Variants in GPM6A observed in about 807,000 individuals in gnomAD.
GPM6A encodes glycoprotein M6A, also known as neuronal membrane glycoprotein M6-a.
GPM6A carries 7 observed loss-of-function variants against 32.1 expected under a neutral mutation model. That is an observed-to-expected ratio of 0.22 (90% CI 0.12 to 0.41). The LOEUF (loss-of-function observed/expected upper bound fraction) is 0.41. Ranked by LOEUF, GPM6A falls within the 10% of genes least tolerant of loss-of-function variation. The pLI is 1.00. For missense variants in GPM6A, 235 were observed against 347.2 expected (o/e 0.68, Z 2.57); for synonymous variants, 130 against 123.4 (o/e 1.05, Z -0.35).
intron 1 of GPM6A, among the ~76,000 whole-genome samples, chr4:175,862,773 G>A (rs749679492): frequency 1.3e-5 from 2 of 150,520 alleles, no homozygotes; most frequent in South Asian, 2.1e-4. Context: ...ATTTTCATTC[G>A]AGCAATTCTG....
At chr4:175,657,276 AATAG>A (rs1402313895) in intron 3 of GPM6A, among the ~76,000 whole-genome samples, 5 of 152,216 alleles carry the variant, frequency 3.3e-5, no homozygotes, top group African/African-American at 1.2e-4. Context: ...ACAAAGCTTC[AATAG>A]ATAGACAGTA....
chr4:175,725,309 T>C, intron 1 of GPM6A, among the ~76,000 whole-genome samples: 1 of 126,756 alleles, frequency 7.9e-6, no homozygotes, highest in South Asian at 2.5e-4. Flanking sequence ...TTTTTTTTTT[T>C]GCAACAGAGT....
chr4:175,865,326 C>A (rs1167690927), intron 1 of GPM6A, among the ~76,000 whole-genome samples: 1 of 152,148 alleles, frequency 6.6e-6, no homozygotes, highest in Non-Finnish European at 1.5e-5. Flanking sequence ...ATACCAAGTG[C>A]CTTGATTAAT....
intron 3 of GPM6A, among the ~76,000 whole-genome samples, chr4:175,672,103 T>C (rs932905614): frequency 6.6e-6 from 1 of 152,224 alleles, no homozygotes; most frequent in Non-Finnish European, 1.5e-5. Context: ...TCTCTCTATA[T>C]ATAGATATGC....
Position 175,901,689 on chromosome 4 carries a change from G to A in GPM6A, c.-22-89440C>T, listed in dbSNP as rs1579611530. On this transcript the variant is annotated intron_variant, in intron 1 of 7. Transcript: ENST00000280187. ...GTCTCACTCTGTCTCCCAGGCTGGAGTGCAGTGGTGTAATGCAACCTCCGC... is the reference window on the plus strand; with the variant it reads ...GTCTCACTCTGTCTCCCAGGCTGGAATGCAGTGGTGTAATGCAACCTCCGC... Among the ~76,000 whole-genome samples, 3 of 140,744 alleles carry A rather than the reference G, an allele frequency of 2.1e-5. No homozygotes were observed. The South Asian group carries it at 6.6e-4, about 31-fold the overall frequency. The allele number at this position is 140,744 out of a possible 152,430, so 92.3% of individuals were successfully genotyped here. A position where few individuals can be genotyped will look rare whatever the true frequency, so the allele number is the denominator to read the frequency against.
intron 1 of GPM6A, among the ~76,000 whole-genome samples, chr4:175,851,820 T>C (rs181710377): frequency 3.9e-5 from 6 of 152,366 alleles, no homozygotes; most frequent in African/African-American, 1.4e-4. Context: ...AATAATTTTC[T>C]ATTCTGTATT....
At chr4:175,866,651 T>C (rs900914817) in intron 1 of GPM6A, among the ~76,000 whole-genome samples, 8 of 152,234 alleles carry the variant, frequency 5.3e-5, no homozygotes, top group Non-Finnish European at 8.8e-5. Context: ...ACCAGGTTTG[T>C]TAATCCATTC....
At chr4:175,673,067 T>C (rs753159621) in intron 3 of GPM6A, among the ~76,000 whole-genome samples, 1 of 152,174 alleles carries the variant, frequency 6.6e-6, no homozygotes, top group Non-Finnish European at 1.5e-5. Flanking sequence ...CATTTCATTC[T>C]AGAAAAATTA....
chr4:175,683,362 G>A (rs192444510), intron 2 of GPM6A, among the ~76,000 whole-genome samples: 1 of 152,238 alleles, frequency 6.6e-6, no homozygotes, highest in East Asian at 1.9e-4. Context: ...ACAAGTAGAA[G>A]GGGTTTGGCT....
At chr4:175,747,344 TAAATATTACA>T (rs1400641986) in intron 1 of GPM6A, among the ~76,000 whole-genome samples, 1 of 151,488 alleles carries the variant, frequency 6.6e-6, no homozygotes, top group Non-Finnish European at 1.5e-5. Context: ...AAGACTGAAT[TAAATATTACA>T]TCATTATGAG....
intron 1 of GPM6A, among the ~76,000 whole-genome samples, chr4:175,973,817 G>A (rs1170951513): frequency 2.6e-5 from 4 of 152,194 alleles, no homozygotes; most frequent in Admixed American, 2.0e-4. Context: ...CGCCACCGCC[G>A]CTTGTCTTAT....
chr4:176,001,137 C>G (rs1344680050), intron 1 of GPM6A, among the ~76,000 whole-genome samples: 1 of 152,138 alleles, frequency 6.6e-6, no homozygotes, highest in Non-Finnish European at 1.5e-5. Flanking sequence ...AATTAGTAGT[C>G]AAAGCATCCC....
intron 1 of GPM6A, among the ~76,000 whole-genome samples, chr4:175,751,115 T>C (rs1732318316): frequency 6.6e-6 from 1 of 152,146 alleles, no homozygotes. Flanking sequence ...ACAATTTATA[T>C]TCTAAATGTC....
At chr4:175,821,920 T>C (rs891621599) in intron 1 of GPM6A, among the ~76,000 whole-genome samples, 4 of 152,120 alleles carry the variant, frequency 2.6e-5, no homozygotes, top group Non-Finnish European at 1.5e-5. Context: ...TATATTTTAA[T>C]TTATTTCCTC....
chr4:175,640,984 T>A (rs1741109030), intron 4 of GPM6A, 155 bp from the exon 5 acceptor site: 1 of 606,930 alleles, frequency 1.6e-6, no homozygotes, highest in Non-Finnish European at 2.9e-6. Flanking sequence ...TTGTGGATAA[T>A]AACTATGCAT....
chr4:175,961,678 G>A (rs545234657), intron 1 of GPM6A, among the ~76,000 whole-genome samples: 6 of 152,282 alleles, frequency 3.9e-5, no homozygotes, highest in East Asian at 3.9e-4. Context: ...GAGAAAAATC[G>A]CCTATAGCTT....
At chr4:175,640,725 C>A in intron 5 of GPM6A, 28 bp downstream of exon 5, 1 of 1,421,140 alleles carries the variant, frequency 7.0e-7, no homozygotes, top group Non-Finnish European at 9.9e-7. Flanking sequence ...AAAATTCTGA[C>A]AAAATTAAAG....
At chr4:175,661,210 C>T (rs1742389406) in intron 3 of GPM6A, among the ~76,000 whole-genome samples, 1 of 151,878 alleles carries the variant, frequency 6.6e-6, no homozygotes, top group Admixed American at 6.6e-5. Flanking sequence ...TGAGTGATAA[C>T]CAGTATGCAT....
At chr4:175,712,224 G>T (rs895116164) in intron 1 of GPM6A, among the ~76,000 whole-genome samples, 1 of 152,122 alleles carries the variant, frequency 6.6e-6, no homozygotes, top group African/African-American at 2.4e-5. Flanking sequence ...AGAGTTAAGG[G>T]CATGAGTCTG....
Sources: gnomAD v4.1 joint callset for allele counts (sites outside exome capture counted in the v4.1 genomes callset) on GRCh38, gnomAD v4.1.1 for gene constraint, MANE v1.5 for transcripts, NCBI Gene and HGNC (gene_info 2026-07-23, HGNC 2026-07-21) for gene names.